TRAK1: variants seen among roughly 807,000 people sequenced by gnomAD.
TRAK1 encodes trafficking kinesin protein 1.
Under a neutral mutation model 92.1 loss-of-function variants are expected in TRAK1, and 33 were observed. That is an observed-to-expected ratio of 0.36 (90% CI 0.27 to 0.48). TRAK1 has a LOEUF of 0.48. TRAK1 is among the 20% of genes least tolerant of loss of function. TRAK1 has a pLI of 0.99. For synonymous variants in TRAK1, 521 were observed against 517.3 expected, an observed-to-expected ratio of 1.01 and a Z score of -0.10; for missense variants, 1,123 against 1,257.9, an observed-to-expected ratio of 0.89 and a Z score of 1.62.
At chr3:42,092,493 GT>G (rs1402833740) in intron 1 of TRAK1, among the ~76,000 whole-genome samples, 1 of 152,138 alleles carries the variant, frequency 6.6e-6, no homozygotes, top group East Asian at 1.9e-4. Flanking sequence ...TTTTACTGGG[GT>G]TTATGTTAAT....
rs143993796 is a variant in TRAK1 at position 42,167,424 on chromosome 3, G to A, written c.287-9390G>A. Among the ~76,000 whole-genome samples the A allele has an allele frequency of 2.6e-5, 4 of 152,226 alleles. No homozygotes were observed. The East Asian group carries it at 7.7e-4, about 29-fold the overall frequency. On this transcript the variant is annotated intron_variant, in intron 2 of 15. Transcript: ENST00000327628. ...GCCCTGCTGTAACCATTTTTGACACGAGGACACTGAGATAAGAATAAAAAG... is the reference window on the plus strand; with the variant it reads ...GCCCTGCTGTAACCATTTTTGACACAAGGACACTGAGATAAGAATAAAAAG...
At chr3:42,193,963 G>T in intron 9 of TRAK1, 65 bp downstream of exon 9, 2 of 1,445,132 alleles carry the variant, frequency 1.4e-6, no homozygotes, top group Non-Finnish European at 9.6e-7. Flanking sequence ...AGCCTTCCCG[G>T]ACAGCTTTAG....
In TRAK1 at chr3:42,091,366, C is replaced by A; in HGVS notation, c.-104C>A. The A allele has an allele frequency of 9.9e-7, 1 of 1,005,218 alleles. No individual in the cohort carries two copies. The highest frequency in any genetic ancestry group is 1.5e-6 in the Non-Finnish European group (1 of 671,556). 62.3% of individuals were successfully genotyped at this position (1,005,218 alleles called of 1,614,324 possible). The stretch of plus-strand genomic sequence containing the variant: ...CCTAACAAGCAAACTCAGAAAACTG[C>A]TGAGGAAGGCACGGGAGGGTGGCTG... On this transcript the variant is annotated 5_prime_UTR_variant, in exon 1 of 16. It adds an upstream start codon to the 5' untranslated region. Coordinates refer to ENST00000327628, the MANE Select transcript of TRAK1 (RefSeq NM_001042646.3).
At chr3:42,050,559 G>A (rs545852114) in intron 1 of TRAK1, among the ~76,000 whole-genome samples, 13 of 152,236 alleles carry the variant, frequency 8.5e-5, no homozygotes, top group African/African-American at 2.2e-4. Context: ...AAGGCAGTTA[G>A]GCTTTGTCTA....
chr3:42,220,755 A>AC (rs1215635143), intron 15 of TRAK1, among the ~76,000 whole-genome samples: 1 of 151,294 alleles, frequency 6.6e-6, no homozygotes, highest in Non-Finnish European at 1.5e-5. Flanking sequence ...CCAGCTAAAC[A>AC]CCCCCAGTCA....
chr3:42,122,767 G>A (rs764940622), intron 1 of TRAK1, among the ~76,000 whole-genome samples: 5 of 152,174 alleles, frequency 3.3e-5, no homozygotes, highest in African/African-American at 4.8e-5. Flanking sequence ...TCTGCCTTGA[G>A]GTTGGGCTAT....
At chr3:42,165,749 G>A (rs1289024663) in intron 2 of TRAK1, among the ~76,000 whole-genome samples, 1 of 152,148 alleles carries the variant, frequency 6.6e-6, no homozygotes, top group Non-Finnish European at 1.5e-5. Flanking sequence ...ACCTACCGCA[G>A]CACTGTTACA....
chr3:42,211,645 C>T (rs1218953264), intron 14 of TRAK1: 2 of 985,170 alleles, frequency 2.0e-6, no homozygotes, highest in African/African-American at 1.7e-5. Flanking sequence ...CAAAGAAGCA[C>T]CATTAAGTGC....
At chr3:42,081,702 A>G (rs1704447457) in intron 1 of TRAK1, among the ~76,000 whole-genome samples, 1 of 152,232 alleles carries the variant, frequency 6.6e-6, no homozygotes, top group South Asian at 2.1e-4. Context: ...GCATATGAAT[A>G]CTATAGTAGA....
chr3:42,125,478 G>A lies in TRAK1; in HGVS notation c.150G>A (p.Gln50=). 6.2e-7 allele frequency: 1 copy of A among 1,614,226 alleles called. No individual in the cohort carries two copies. The highest frequency in any genetic ancestry group is 8.5e-7 in the Non-Finnish European group (1 of 1,180,036). Reference sequence around the variant, plus strand: ...AGATCATTAGCCTGCTGGAGGAGCAGCTGCCCCATTATAAGTTAAGAGCCG... The same window carrying A: ...AGATCATTAGCCTGCTGGAGGAGCAACTGCCCCATTATAAGTTAAGAGCCG... ...EVEIISLLEE[Q]LPHYKLRADT... The change falls in exon 2 of 16, where the codon CAG becomes CAA. Residue 50 remains glutamine (Q), a synonymous_variant. Coordinates refer to ENST00000327628, the MANE Select transcript of TRAK1 (RefSeq NM_001042646.3).
In TRAK1 at chr3:42,199,174, C is replaced by T. The variant is rs1350874914; in HGVS notation, c.1114-3C>T. 6.2e-7 allele frequency: 1 copy of T among 1,613,218 alleles called. No homozygotes were observed. Among genetic ancestry groups the T allele is most frequent in the African/African-American group, 1.3e-5 (1 of 74,874 alleles). On this transcript the variant is annotated splice_polypyrimidine_tract_variant and splice_region_variant and intron_variant, in intron 10 of 15. Coordinates refer to ENST00000327628, the MANE Select transcript of TRAK1 (RefSeq NM_001042646.3). ...TGACATTTGTCTTTCTGGCTTTTCC[C>T]AGGATTCCTTGGCAGCAGAGATTGA...
chr3:42,186,524 G>T (rs532475487), intron 4 of TRAK1, among the ~76,000 whole-genome samples: 3 of 152,180 alleles, frequency 2.0e-5, no homozygotes, highest in Non-Finnish European at 2.9e-5. Flanking sequence ...AAAGTGATTC[G>T]TGCATTCCCT....
At chr3:42,065,424 A>G (rs1175876415) in intron 1 of TRAK1, among the ~76,000 whole-genome samples, 1 of 152,144 alleles carries the variant, frequency 6.6e-6, no homozygotes, top group Middle Eastern at 3.2e-3. Flanking sequence ...AAAATACTTC[A>G]ATGAGTATTT....
chr3:42,199,280 A>C (rs536124619), intron 11 of TRAK1, 27 bp downstream of exon 11: 2 of 1,612,458 alleles, frequency 1.2e-6, no homozygotes, highest in Non-Finnish European at 1.7e-6. Context: ...TACAGTTTTG[A>C]GATTCCCAGA....
chr3:42,109,940 C>T (rs993304583), intron 1 of TRAK1, among the ~76,000 whole-genome samples: 17 of 150,394 alleles, frequency 1.1e-4, no homozygotes, highest in African/African-American at 3.0e-4. Flanking sequence ...CATCACACAC[C>T]GGGGCCTGTC....
At chr3:42,083,370 C>G (rs1243333326), upstream of TRAK1, among the ~76,000 whole-genome samples, 1 of 152,044 alleles carries the variant, frequency 6.6e-6, no homozygotes, top group Non-Finnish European at 1.5e-5. Context: ...GTTTAATTTC[C>G]CTGCCAGTTT....
rs748881731 is a variant in TRAK1, at chr3:42,223,504, C to T, written c.2629C>T (p.Pro877Ser). The change falls in exon 16 of 16, where the codon CCC becomes TCC. Residue 877 changes from proline to serine, a missense_variant. By Grantham distance (74) the Pro-to-Ser change is moderately conservative. This residue lies in a region of TRAK1 where 401 missense variants were observed against 438.9 expected (regional missense o/e 0.91). Coordinates refer to ENST00000327628, the MANE Select transcript of TRAK1 (RefSeq NM_001042646.3). The surrounding 1 kb of genome is among the most constrained non-coding windows in gnomAD (Gnocchi z 6.1). ...GGAGCAGGGACCCCTCCTCTGTGGGCCCCCGGGGCCAGCACCAGCCCTTGT... is the reference window on the plus strand; with the variant it reads ...GGAGCAGGGACCCCTCCTCTGTGGGTCCCCGGGGCCAGCACCAGCCCTTGT... ...TEEQGPLLCG[P>S]PGPAPALVPR... 3 of 1,613,548 alleles carry T rather than the reference C, an allele frequency of 1.9e-6. No individual in the cohort carries two copies. The highest frequency in any genetic ancestry group is 1.7e-5 in the Admixed American group (1 of 60,028).
chr3:42,040,219 G>A (rs1403197597), intron 1 of TRAK1, among the ~76,000 whole-genome samples: 2 of 151,736 alleles, frequency 1.3e-5, no homozygotes, highest in African/African-American at 2.4e-5. Context: ...TTTTGGTCAC[G>A]TGTGCTTTTG....
At chr3:42,023,677 G>T (rs2148883156) in intron 1 of TRAK1, among the ~76,000 whole-genome samples, 1 of 150,606 alleles carries the variant, frequency 6.6e-6, no homozygotes, top group Non-Finnish European at 1.5e-5. Context: ...CCATTAATCA[G>T]TTGTCCCAGC....
Sources: gnomAD v4.1 joint callset for allele counts (sites outside exome capture counted in the v4.1 genomes callset) on GRCh38, gnomAD v4.1.1 for gene constraint, gnomAD v4.1.1 regional missense constraint, Gnocchi (gnomAD v3.1) non-coding constraint, MANE v1.5 for transcripts, NCBI Gene and HGNC (gene_info 2026-07-23, HGNC 2026-07-21) for gene names.